Variants in ST6GAL1 observed in about 807,000 individuals in gnomAD.
The protein encoded by ST6GAL1 is ST6 beta-galactoside alpha-2,6-sialyltransferase 1.
In ST6GAL1, 20 loss-of-function variants were observed where a neutral mutation model predicts 38.0. The ratio of observed to expected loss-of-function variants is 0.53; its 90% CI spans 0.37 to 0.77. ST6GAL1 has a LOEUF of 0.77. Among genes scored for constraint, ST6GAL1 ranks in the 30% least tolerant of loss-of-function variants. The pLI is 0.00. For missense variants in ST6GAL1, 432 were observed against 496.4 expected (o/e 0.87, Z 1.23); for synonymous variants, 196 against 188.2 (o/e 1.04, Z -0.34).
At chr3:186,998,112 G>C (rs994477295) in intron 2 of ST6GAL1, among the ~76,000 whole-genome samples, 1 of 152,168 alleles carries the variant, frequency 6.6e-6, no homozygotes, top group African/African-American at 2.4e-5. Context: ...TAAAAAATAC[G>C]GGAAGTAAAA....
In ST6GAL1 at chr3:186,952,258, G is replaced by C. The variant is rs1182804655; in HGVS notation, c.-324-11527G>C. 6.6e-6 allele frequency among the ~76,000 whole-genome samples: 1 copy of C among 152,008 alleles called. No individual in the cohort carries two copies. The highest frequency in any genetic ancestry group is 6.6e-5 in the Admixed American group (1 of 15,256). On this transcript the variant is annotated intron_variant, in intron 1 of 7. Transcript: ENST00000169298. This position sits in a 1 kb window ranked among gnomAD's most constrained non-coding sequence, Gnocchi z 4.1. ...TTAAACTCAACATGATCAGTCTTTT[G>C]TACCCATCACACCACCAAAACCATA...
At chr3:187,065,226 C>T (rs1719061690) in intron 5 of ST6GAL1, among the ~76,000 whole-genome samples, 1 of 152,064 alleles carries the variant, frequency 6.6e-6, no homozygotes, top group Non-Finnish European at 1.5e-5. Flanking sequence ...TCTCAAACTC[C>T]TGACCTCAGG....
chr3:187,024,219 G>A (rs1389730621), intron 2 of ST6GAL1, among the ~76,000 whole-genome samples: 1 of 151,618 alleles, frequency 6.6e-6, no homozygotes, highest in Non-Finnish European at 1.5e-5. Context: ...TCAGCCTCCT[G>A]AGTAGCTGGG....
chr3:186,954,960 T>C (rs1714698863), intron 1 of ST6GAL1, among the ~76,000 whole-genome samples: 1 of 152,232 alleles, frequency 6.6e-6, no homozygotes, highest in Admixed American at 6.5e-5. Context: ...TTTTATAGTT[T>C]TGGGTTTTAC....
At chr3:187,065,083 C>G (rs115562755) in intron 5 of ST6GAL1, among the ~76,000 whole-genome samples, 121 of 151,342 alleles carry the variant, frequency 8.0e-4, no homozygotes, top group African/African-American at 2.9e-3. Context: ...GCTCCCTGCT[C>G]TGCCTCCTGG....
chr3:186,977,573 GATCCTA>G (rs1018057177), intron 2 of ST6GAL1, among the ~76,000 whole-genome samples: 2 of 152,160 alleles, frequency 1.3e-5, no homozygotes, highest in African/African-American at 4.8e-5. Context: ...TGGGAAATAT[GATCCTA>G]CAGAAACTGC....
chr3:186,948,506 C>T (rs894870202), intron 1 of ST6GAL1, among the ~76,000 whole-genome samples: 1 of 149,774 alleles, frequency 6.7e-6, no homozygotes, highest in African/African-American at 2.5e-5. Context: ...GCCTGGTATG[C>T]TCTTGGGGGT....
At chr3:186,977,213 G>A (rs1158330597) in intron 2 of ST6GAL1, among the ~76,000 whole-genome samples, 1 of 152,192 alleles carries the variant, frequency 6.6e-6, no homozygotes, top group African/African-American at 2.4e-5. Flanking sequence ...AGTTTATTCT[G>A]TAAGGAGTGT....
chr3:187,051,394 T>C (rs1718509720), intron 5 of ST6GAL1, 48 bp downstream of exon 5: 8 of 1,552,120 alleles, frequency 5.2e-6, no homozygotes, highest in Admixed American at 1.7e-5. Context: ...GACCACAGTG[T>C]GGGCTCTAAT....
In ST6GAL1 at chr3:187,043,093, A is replaced by G; in HGVS notation, c.390A>G (p.Gly130=). ...ACAAAGTGTCCTACAAGGGGCCAGG[A>G]CCAGGCATCAAGTTCAGTGCAGAGG... ...NKYKVSYKGP[G]PGIKFSAEAL... Residue 130 remains glycine (G), a synonymous_variant, in exon 4 of 8, where the codon GGA becomes GGG. Transcript: ENST00000169298. 6.2e-7 allele frequency: 1 copy of G among 1,614,206 alleles called. No individual in the cohort carries two copies. The highest frequency in any genetic ancestry group is 8.5e-7 in the Non-Finnish European group (1 of 1,180,026).
intron 2 of ST6GAL1, among the ~76,000 whole-genome samples, chr3:187,037,888 T>C (rs1717983398): frequency 1.3e-5 from 2 of 152,212 alleles, no homozygotes; most frequent in Non-Finnish European, 2.9e-5. Flanking sequence ...TGTACTTTTT[T>C]CTAGTACTTT....
rs145955205 is a variant in ST6GAL1, at chr3:186,936,421, A to C, written c.-325+5587A>C. On this transcript the variant is annotated intron_variant, in intron 1 of 7. Transcript: ENST00000169298. ...ATTTGTTCCATAAGAACTGAATTAG[A>C]GGCAAATGAATTTTTTCTTGCTTGT... Among the ~76,000 whole-genome samples the C allele has an allele frequency of 1.9e-3, 292 of 152,294 alleles. 2 individuals are homozygous for C. Among genetic ancestry groups the C allele is most frequent in the African/African-American group, 6.9e-3 (285 of 41,558 alleles).
chr3:186,948,528 A>AGTGTGTGTGTGTGTGT (rs36234165), intron 1 of ST6GAL1, among the ~76,000 whole-genome samples: 4 of 146,346 alleles, frequency 2.7e-5, no homozygotes, highest in Admixed American at 2.1e-4. Context: ...CAGAAACTCT[A>AGTGTGTGTGTGTGTGT]GTGTGTGTGT....
chr3:186,955,583 A>G (rs1240040727), intron 1 of ST6GAL1, among the ~76,000 whole-genome samples: 1 of 151,458 alleles, frequency 6.6e-6, no homozygotes, highest in Admixed American at 6.6e-5. Context: ...GCTTATTGCA[A>G]CCTCCACCTC....
chr3:187,040,020 C>T (rs1397589398), intron 3 of ST6GAL1, among the ~76,000 whole-genome samples: 2 of 152,224 alleles, frequency 1.3e-5, no homozygotes, highest in Non-Finnish European at 2.9e-5. Context: ...TGGGCAGCTG[C>T]TGCCTGAGCC....
At chr3:187,067,389 G>T (rs1222263107) in intron 5 of ST6GAL1, among the ~76,000 whole-genome samples, 1 of 140,214 alleles carries the variant, frequency 7.1e-6, no homozygotes, top group Non-Finnish European at 1.5e-5. Context: ...ACCTGGCAAG[G>T]CAACCTTTTT....
intron 2 of ST6GAL1, among the ~76,000 whole-genome samples, chr3:187,022,312 A>G (rs2108565815): frequency 6.6e-6 from 1 of 152,004 alleles, no homozygotes; most frequent in Admixed American, 6.5e-5. Flanking sequence ...GTGGTGTGAG[A>G]GCAGAGGAAA....
At chr3:187,066,917 C>G (rs2108599604) in intron 5 of ST6GAL1, among the ~76,000 whole-genome samples, 1 of 152,120 alleles carries the variant, frequency 6.6e-6, no homozygotes. Context: ...GTCCCCTCAG[C>G]AGGGCCTTAC....
At chr3:186,987,172 AAGAG>A (rs1228450928) in intron 2 of ST6GAL1, among the ~76,000 whole-genome samples, 8 of 102,364 alleles carry the variant, frequency 7.8e-5, no homozygotes, top group African/African-American at 2.9e-4. Context: ...AAGAAAGAGA[AAGAG>A]AGACAGGGAG....
Sources: gnomAD v4.1 joint callset for allele counts (sites outside exome capture counted in the v4.1 genomes callset) on GRCh38, gnomAD v4.1.1 for gene constraint, Gnocchi (gnomAD v3.1) non-coding constraint, MANE v1.5 for transcripts, NCBI Gene and HGNC (gene_info 2026-07-23, HGNC 2026-07-21) for gene names.